The following JADE1 variants were observed in gnomAD, a reference collection of about 807,000 sequenced individuals.
The protein encoded by JADE1 is protein Jade-1.
A neutral mutation model predicts 81.8 loss-of-function variants in JADE1; 14 were observed. That is an observed-to-expected ratio of 0.17 (90% CI 0.11 to 0.27). JADE1 has a LOEUF of 0.27. JADE1 is among the 10% of genes least tolerant of loss of function. The probability of loss-of-function intolerance (pLI) is 1.00; values close to 1 mark genes in which losing one functional copy is unlikely to be tolerated. For synonymous variants in JADE1, 353 were observed against 391.9 expected, an observed-to-expected ratio of 0.90 and a Z score of 1.17; for missense variants, 690 against 1,047.9, an observed-to-expected ratio of 0.66 and a Z score of 4.71.
Position 128,861,698 on chromosome 4 carries a change from T to G in JADE1, c.982-6T>G. On this transcript the variant is annotated splice_polypyrimidine_tract_variant and splice_region_variant and intron_variant, in intron 8 of 10. Transcript: ENST00000226319. The stretch of plus-strand genomic sequence containing the variant: ...TATTCTCATGTTCTTTGTGTGTTCT[T>G]GACAGTGCTCTGTGAAGAACTGCCG... 4 of 1,613,670 alleles carry G rather than the reference T, an allele frequency of 2.5e-6. No homozygotes were observed. Among genetic ancestry groups the G allele is most frequent in the Non-Finnish European group, 3.4e-6 (4 of 1,179,712 alleles).
rs767070256 is a variant in JADE1, at chr4:128,871,200, T to C, written c.1622-155T>C. Among the ~76,000 whole-genome samples the C allele has an allele frequency of 2.0e-5, 3 of 152,226 alleles. No homozygotes were observed. Among genetic ancestry groups the C allele is most frequent in the Non-Finnish European group, 4.4e-5 (3 of 68,032 alleles). ...TTCTCAAGGCAGGTCATCTCTTCAC[T>C]ATAAAAACCAAATTTGTACAAACTT... On this transcript the variant is annotated intron_variant, in intron 10 of 10. Transcript: ENST00000226319. The surrounding 1 kb of genome is among the most constrained non-coding windows in gnomAD (Gnocchi z 4.1).
At chr4:128,823,705 T>G (rs1727784232) in intron 1 of JADE1, among the ~76,000 whole-genome samples, 1 of 152,242 alleles carries the variant, frequency 6.6e-6, no homozygotes, top group South Asian at 2.1e-4. Flanking sequence ...AGTTAAGCTA[T>G]TTGTCAGTTA....
At chr4:128,828,484 TCTG>T (rs1286860999) in intron 1 of JADE1, among the ~76,000 whole-genome samples, 1 of 152,156 alleles carries the variant, frequency 6.6e-6, no homozygotes, top group Non-Finnish European at 1.5e-5. Flanking sequence ...AGGAGGAAAT[TCTG>T]CTGAGCACTA....
chr4:128,871,299 T>C lies in JADE1; in HGVS notation c.1622-56T>C. On this transcript the variant is annotated intron_variant, in intron 10 of 10. Coordinates refer to ENST00000226319, the MANE Select transcript of JADE1 (RefSeq NM_199320.4). The surrounding 1 kb of genome is among the most constrained non-coding windows in gnomAD (Gnocchi z 4.1). ...CCACACTAAGGGTGTAGAATTTTATTCTTTTGGATTTGCTTCTGCTGTAAT... is the reference window on the plus strand; with the variant it reads ...CCACACTAAGGGTGTAGAATTTTATCCTTTTGGATTTGCTTCTGCTGTAAT... The C allele has an allele frequency of 6.6e-7, 1 of 1,508,262 alleles. No homozygotes were observed. 93.4% of individuals were successfully genotyped at this position (1,508,262 alleles called of 1,614,324 possible).
intron 1 of JADE1, among the ~76,000 whole-genome samples, chr4:128,822,718 T>A (rs1031785818): frequency 4.0e-5 from 6 of 150,324 alleles, no homozygotes; most frequent in Admixed American, 1.3e-4. Context: ...AAACTCCGTC[T>A]CAAGAAAAAA....
At position 128,874,052 on chromosome 4, in the gene JADE1, G is replaced by C. The variant is rs1732394277; in HGVS notation, c.*1790G>C. 1 of 152,612 alleles carries C rather than the reference G, an allele frequency of 6.6e-6. No individual in the cohort carries two copies. Among genetic ancestry groups the C allele is most frequent in the South Asian group, 2.1e-4 (1 of 4,832 alleles). The allele number at this position is 152,612 out of a possible 1,614,324, so 9.5% of individuals were successfully genotyped here. ...GTTTTTAGATTGACTGACTATTTTTGAGTTATGGGGCTCATTTTGAAAGAC... is the reference window on the plus strand; with the variant it reads ...GTTTTTAGATTGACTGACTATTTTTCAGTTATGGGGCTCATTTTGAAAGAC... On this transcript the variant is annotated 3_prime_UTR_variant, in exon 11 of 11. Transcript: ENST00000226319.
intron 5 of JADE1, 142 bp from the exon 6 acceptor site, chr4:128,851,915 C>A: frequency 1.5e-6 from 1 of 649,602 alleles, no homozygotes; most frequent in Non-Finnish European, 2.6e-6. Context: ...AGCCACCACG[C>A]CTGGCCAGTG....
At chr4:128,864,010 C>G (rs1293342380) in intron 9 of JADE1, 1 of 985,256 alleles carries the variant, frequency 1.0e-6, no homozygotes, top group East Asian at 1.1e-4. Flanking sequence ...GGAGTCATCA[C>G]TGTCGCTGTT....
At chr4:128,857,915 C>T (rs913740456) in intron 8 of JADE1, among the ~76,000 whole-genome samples, 17 of 152,090 alleles carry the variant, frequency 1.1e-4, no homozygotes, top group South Asian at 2.1e-4. Flanking sequence ...CCATGGTGTG[C>T]GCACATCTGT....
rs768420162 is a variant in JADE1, at chr4:128,871,514, C to G, written c.1781C>G (p.Pro594Arg). ...TCCTTGGTTCATTCGCTGAAAAAGC[C>G]CCATAAGCGAGATCCTTTGCAGAAT... ...GTSLVHSLKK[P>R]HKRDPLQNSP... Residue 594 changes from proline to arginine, a missense_variant, in exon 11 of 11, where the codon CCC becomes CGC. By Grantham distance (103) the Pro-to-Arg change is moderately radical (BLOSUM62 -2). Around this residue, in one of 8 missense-constraint regions of JADE1, gnomAD observed 86 missense variants for 95.4 expected, o/e 0.90. Coordinates refer to ENST00000226319, the MANE Select transcript of JADE1 (RefSeq NM_199320.4). The surrounding 1 kb of genome is among the most constrained non-coding windows in gnomAD (Gnocchi z 4.1). 2 of 1,614,066 alleles carry G rather than the reference C, an allele frequency of 1.2e-6. No individual in the cohort carries two copies. The highest frequency in any genetic ancestry group is 1.7e-6 in the Non-Finnish European group (2 of 1,180,020).
intron 1 of JADE1, among the ~76,000 whole-genome samples, chr4:128,823,025 G>GTAGA (rs1727724919): frequency 6.6e-6 from 1 of 152,170 alleles, no homozygotes; most frequent in Non-Finnish European, 1.5e-5. Flanking sequence ...AGAATTCTGA[G>GTAGA]TAGATGGAAA....
At chr4:128,812,464 C>T (rs918202878) in intron 1 of JADE1, among the ~76,000 whole-genome samples, 1 of 152,024 alleles carries the variant, frequency 6.6e-6, no homozygotes, top group Non-Finnish European at 1.5e-5. Context: ...TTGCTGGGAT[C>T]CTTAGCCTTC....
At chr4:128,845,296 G>A (rs1272145275) in intron 3 of JADE1, among the ~76,000 whole-genome samples, 1 of 152,174 alleles carries the variant, frequency 6.6e-6, no homozygotes, top group African/African-American at 2.4e-5. Flanking sequence ...CTTTCCTGTG[G>A]TTTCCTTCAT....
At chr4:128,821,717 C>T (rs1579106182) in intron 1 of JADE1, among the ~76,000 whole-genome samples, 4 of 152,072 alleles carry the variant, frequency 2.6e-5, no homozygotes, top group Admixed American at 6.5e-5. Context: ...GACTGGGTTT[C>T]GCCATGTTGG....
At chr4:128,816,975 C>CA (rs202074906) in intron 1 of JADE1, among the ~76,000 whole-genome samples, 3,408 of 151,412 alleles carry the variant, frequency 0.023, 110 homozygotes, top group African/African-American at 0.074. Context: ...TCAAGTGAGT[C>CA]AGCCTCCGGA....
chr4:128,844,718 G>A (rs1050158116), intron 3 of JADE1, among the ~76,000 whole-genome samples: 1 of 152,002 alleles, frequency 6.6e-6, no homozygotes, highest in Non-Finnish European at 1.5e-5. Context: ...GAAGGATCCT[G>A]GTATTACACG....
In JADE1 at chr4:128,871,491, C is replaced by G; in HGVS notation, c.1758C>G (p.Ser586=). The G allele has an allele frequency of 6.2e-7, 1 of 1,614,106 alleles. No homozygotes were observed. The highest frequency in any genetic ancestry group is 8.5e-7 in the Non-Finnish European group (1 of 1,180,000). The part of the protein sequence containing the change: ...SAFFRKQMGT[S]LVHSLKKPHK... ...TCTTCAGAAAACAAATGGGTACTTC[C>G]TTGGTTCATTCGCTGAAAAAGCCCC... Residue 586 remains serine, a synonymous_variant, in exon 11 of 11, where the codon TCC becomes TCG. Coordinates refer to ENST00000226319, the MANE Select transcript of JADE1 (RefSeq NM_199320.4). The surrounding 1 kb of genome is among the most constrained non-coding windows in gnomAD (Gnocchi z 4.1).
intron 6 of JADE1, 141 bp from the exon 7 acceptor site, chr4:128,855,489 G>T: frequency 1.2e-6 from 1 of 861,176 alleles, no homozygotes; most frequent in South Asian, 2.3e-5. Flanking sequence ...GACGGTCGTA[G>T]CCAGGAAGCT....
intron 10 of JADE1, among the ~76,000 whole-genome samples, chr4:128,869,335 C>G (rs1032659184): frequency 6.6e-6 from 1 of 152,156 alleles, no homozygotes; most frequent in Admixed American, 6.5e-5. Flanking sequence ...CTAAGGTGAG[C>G]TCTCTCTTCA....
Sources: gnomAD v4.1 joint callset for allele counts (sites outside exome capture counted in the v4.1 genomes callset) on GRCh38, gnomAD v4.1.1 for gene constraint, gnomAD v4.1.1 regional missense constraint, Gnocchi (gnomAD v3.1) non-coding constraint, MANE v1.5 for transcripts, NCBI Gene and HGNC (gene_info 2026-07-23, HGNC 2026-07-21) for gene names.